Variants in STARD9 observed in about 807,000 individuals in gnomAD.
STARD9 encodes the protein stAR-related lipid transfer protein 9.
In STARD9, 346 loss-of-function variants were observed where a neutral mutation model predicts 399.8. The observed-to-expected ratio is 0.87, with a 90% CI of 0.79 to 0.95. The LOEUF is 0.95. Among genes scored for constraint, STARD9 ranks in the 40% least tolerant of loss-of-function variants. The pLI, the probability that STARD9 is intolerant of heterozygous loss-of-function variation, is 0.00. For missense variants in STARD9, 5,832 were observed against 5,667.5 expected (o/e 1.03, Z -0.93); for synonymous variants, 2,203 against 2,143.5 (o/e 1.03, Z -0.77).
chr15:42,683,146 G>A (rs2140215048), intron 22 of STARD9, among the ~76,000 whole-genome samples: 1 of 152,334 alleles, frequency 6.6e-6, no homozygotes, highest in South Asian at 2.1e-4. Context: ...AAGGGTTTGT[G>A]TCTTATACCT....
Position 42,662,817 on chromosome 15 carries a change from G to A in STARD9, c.794G>A (p.Cys265Tyr). The stretch of plus-strand genomic sequence containing the variant: ...AGCGAAAGAGCAGATCCCAGTTACT[G>A]TAAGGACCGCATTGCTGAAGGAGCC... Reference protein sequence around the residue: ...AGSERADPSYCKDRIAEGANI... With the variant: ...AGSERADPSYYKDRIAEGANI... The change falls in exon 11 of 33, where the codon TGT (cysteine) becomes TAT (tyrosine). Residue 265 changes from cysteine to tyrosine, a missense_variant. By Grantham distance (194) the Cys-to-Tyr change is radical. Transcript: ENST00000290607. The A allele has an allele frequency of 6.5e-7, 1 of 1,537,506 alleles. No homozygotes were observed. The highest frequency in any genetic ancestry group is 8.7e-7 in the Non-Finnish European group (1 of 1,146,876).
chr15:42,699,445 G>A (rs1200800273), intron 26 of STARD9, among the ~76,000 whole-genome samples: 2 of 141,210 alleles, frequency 1.4e-5, no homozygotes, highest in African/African-American at 2.8e-5. Flanking sequence ...CCAGGCTGGA[G>A]TGCAGTGGCT....
intron 3 of STARD9, among the ~76,000 whole-genome samples, chr15:42,632,570 T>G (rs1460380321): frequency 6.6e-6 from 1 of 152,250 alleles, no homozygotes; most frequent in Admixed American, 6.5e-5. Flanking sequence ...TGTTTTAATT[T>G]CTTTTTATTT....
chr15:42,577,312 C>T (rs1271464488), intron 1 of STARD9, among the ~76,000 whole-genome samples: 1 of 152,158 alleles, frequency 6.6e-6, no homozygotes, highest in Non-Finnish European at 1.5e-5. Flanking sequence ...CGCCACCATG[C>T]CCGGCTAATT....
chr15:42,665,401 G>T lies in STARD9; in HGVS notation c.1254+71G>T. 2.4e-6 allele frequency: 3 copies of T among 1,274,546 alleles called. No homozygotes were observed. The East Asian group carries it at 7.5e-5, about 32-fold the overall frequency. 79.0% of individuals were successfully genotyped at this position (1,274,546 alleles called of 1,614,324 possible). ...TTCTGAGCCTCTTTTCTTCTCCATA[G>T]AGTCTGGGCCCTGCTGCATTCTATG... On this transcript the variant is annotated intron_variant, in intron 14 of 32. Coordinates refer to ENST00000290607, the MANE Select transcript of STARD9 (RefSeq NM_020759.3).
Position 42,704,411 on chromosome 15 carries a change from T to C in STARD9, c.13284+8531T>C, listed in dbSNP as rs147707603. ...GAGGTCATAGTTCCCTTAATGTTCT[T>C]GATGCTTTCCAATGTGTGTCAATAT... is the stretch of plus-strand genomic sequence containing the variant. On this transcript the variant is annotated intron_variant, in intron 26 of 32. Transcript: ENST00000290607. Among the ~76,000 whole-genome samples the C allele has an allele frequency of 7.0e-4, 107 of 152,342 alleles. 1 individual carries two copies. In the East Asian group the frequency reaches 0.02, roughly 28 times the overall value.
At chr15:42,635,007 C>T (rs1441999500) in intron 4 of STARD9, 35 bp downstream of exon 4, 2 of 1,239,074 alleles carry the variant, frequency 1.6e-6, no homozygotes, top group Admixed American at 4.3e-5. Context: ...CCTAATGCCA[C>T]AGCAAGCCTG....
chr15:42,692,083 G>A lies in STARD9; in HGVS notation c.10505G>A (p.Gly3502Glu), dbSNP rs758405372. Residue 3502 changes from glycine to glutamate, a missense_variant, in exon 23 of 33, where the codon GGG becomes GAG. Gly to Glu is a moderately conservative substitution (Grantham distance 98). Coordinates refer to ENST00000290607, the MANE Select transcript of STARD9 (RefSeq NM_020759.3). The part of the protein sequence containing the change: ...VDVSCSQKPQ[G>E]LTLSNVARCS... Reference sequence around the variant, plus strand: ...GTTTCCTGCAGCCAGAAGCCCCAGGGGCTGACACTATCAAATGTGGCCCGG... The same window carrying A: ...GTTTCCTGCAGCCAGAAGCCCCAGGAGCTGACACTATCAAATGTGGCCCGG... 5.2e-6 allele frequency: 8 copies of A among 1,537,194 alleles called. No individual in the cohort carries two copies. The highest frequency in any genetic ancestry group is 3.6e-5 in the South Asian group (3 of 84,054).
intron 7 of STARD9, among the ~76,000 whole-genome samples, chr15:42,640,777 G>A (rs1239987216): frequency 4.9e-5 from 6 of 122,148 alleles, no homozygotes; most frequent in African/African-American, 1.6e-4. Context: ...CCAAGATCGC[G>A]CCACTGCACT....
intron 3 of STARD9, among the ~76,000 whole-genome samples, chr15:42,627,797 A>T (rs1228463688): frequency 1.3e-5 from 2 of 152,172 alleles, no homozygotes; most frequent in Admixed American, 1.3e-4. Flanking sequence ...TCCATTTTGT[A>T]TATGTACCAC....
chr15:42,693,584 G>C lies in STARD9; in HGVS notation c.12006G>C (p.Gln4002His). 1 of 1,537,252 alleles carries C rather than the reference G, an allele frequency of 6.5e-7. No homozygotes were observed. ...GTTTCTTAGGGCAGCACCCTCAGCA[G>C]CTTCAGCCCAGGACAACTATCGGGG... is the stretch of plus-strand genomic sequence containing the variant. ...QFSFLGQHPQ[Q>H]LQPRTTIGVQ... Residue 4002 changes from glutamine to histidine, a missense_variant, in exon 23 of 33, where the codon CAG (glutamine) becomes CAC (histidine). By Grantham distance (24) the Gln-to-His change is conservative (BLOSUM62 0). Transcript: ENST00000290607.
chr15:42,634,968 C>T lies in STARD9; in HGVS notation c.347C>T (p.Thr116Ile). The change falls in exon 4 of 33, where the codon ACC becomes ATC. Residue 116 changes from threonine to isoleucine, a missense_variant. Physicochemically the swap from Thr to Ile is moderately conservative, Grantham distance 89. Around this residue, in one of 2 missense-constraint regions of STARD9, gnomAD observed 5,828 missense variants for 5,651.1 expected, o/e 1.03. Coordinates refer to ENST00000290607, the MANE Select transcript of STARD9 (RefSeq NM_020759.3). ...GGGAAGACATATACCATGCTGGGGACCCCAGTGAGTATTACAATGATATAT... is the reference window on the plus strand; with the variant it reads ...GGGAAGACATATACCATGCTGGGGATCCCAGTGAGTATTACAATGATATAT... ...GSGKTYTMLGTPASVGLTPRI... is the reference protein window; with the variant it reads ...GSGKTYTMLGIPASVGLTPRI... The T allele has an allele frequency of 6.6e-7, 1 of 1,518,932 alleles. No individual in the cohort carries two copies. Among genetic ancestry groups the T allele is most frequent in the Non-Finnish European group, 8.8e-7 (1 of 1,131,374 alleles). The allele number at this position is 1,518,932 out of a possible 1,614,324, so 94.1% of individuals were successfully genotyped here.
chr15:42,605,469 G>A (rs1346581308), intron 3 of STARD9, among the ~76,000 whole-genome samples: 1 of 152,172 alleles, frequency 6.6e-6, no homozygotes. Flanking sequence ...TGGGGAATTG[G>A]TTTCAGGGCA....
rs34614271 is a variant in STARD9 at position 42,699,392 on chromosome 15, C to CTTTTTTTTTTTTTTTTTTTTTTTTTT, written c.13284+3532_13284+3533insTTTTTTTTTTTTTTTTTTTTTTTTTT. 1.1e-4 allele frequency among the ~76,000 whole-genome samples: 13 copies of CTTTTTTTTTTTTTTTTTTTTTTTTTT among 113,294 alleles called. 2 individuals are homozygous for CTTTTTTTTTTTTTTTTTTTTTTTTTT. Among genetic ancestry groups the CTTTTTTTTTTTTTTTTTTTTTTTTTT allele is most frequent in the African/African-American group, 3.7e-4 (9 of 24,554 alleles). 74.3% of individuals were successfully genotyped at this position (113,294 alleles called of 152,430 possible). A position where few individuals can be genotyped will look rare whatever the true frequency, so the allele number is the denominator to read the frequency against. ...TCTATGAGATCAACTTTTTTCTTTT[C>CTTTTTTTTTTTTTTTTTTTTTTTTTT]TTTTTTTTTTTTTTTTTTTTGAGAT... On this transcript the variant is annotated intron_variant, in intron 26 of 32. Transcript: ENST00000290607.
intron 8 of STARD9, 36 bp from the exon 9 acceptor site, chr15:42,652,484 A>G (rs1185148207): frequency 3.3e-6 from 5 of 1,518,300 alleles, no homozygotes; most frequent in Non-Finnish European, 8.9e-7. Flanking sequence ...ATGTGTAAAC[A>G]ATCCTCGTCC....
intron 26 of STARD9, among the ~76,000 whole-genome samples, chr15:42,706,650 A>G (rs149348057): frequency 0.026 from 3,911 of 152,148 alleles, 166 homozygotes; most frequent in African/African-American, 0.086. Context: ...GGGTTTCACC[A>G]TGCTGGCCAG....
At chr15:42,616,268 G>T (rs546011412) in intron 3 of STARD9, among the ~76,000 whole-genome samples, 1 of 152,308 alleles carries the variant, frequency 6.6e-6, no homozygotes, top group African/African-American at 2.4e-5. Context: ...CTCCAAAAAC[G>T]ATCAACAAAT....
intron 26 of STARD9, among the ~76,000 whole-genome samples, chr15:42,713,595 A>G (rs146456646): frequency 1.6e-4 from 24 of 152,312 alleles, no homozygotes; most frequent in African/African-American, 5.5e-4. Context: ...GAATATTTTT[A>G]TCATGAAAAG....
At chr15:42,640,606 G>T (rs1317759852) in intron 7 of STARD9, among the ~76,000 whole-genome samples, 1 of 152,030 alleles carries the variant, frequency 6.6e-6, no homozygotes, top group Non-Finnish European at 1.5e-5. Context: ...CAGAACATGA[G>T]GTCAGGAGAT....
Sources: allele counts gnomAD v4.1 joint callset (sites outside exome capture counted in the v4.1 genomes callset), GRCh38; gene constraint gnomAD v4.1.1; regional missense constraint gnomAD v4.1.1; transcripts MANE v1.5; gene names NCBI Gene and HGNC (gene_info 2026-07-23, HGNC 2026-07-21).